The following TYR variants were observed in gnomAD, a reference collection of about 807,000 sequenced individuals.
TYR encodes the protein LB24-AB.
Under a neutral mutation model 51.5 loss-of-function variants are expected in TYR, and 58 were observed. The observed-to-expected ratio is 1.13, with a 90% CI of 0.91 to 1.40. The LOEUF (loss-of-function observed/expected upper bound fraction) is 1.40, where lower values mean the gene tolerates loss of function less well. TYR is among the 40% of genes most tolerant of loss of function. The probability of loss-of-function intolerance (pLI) is 0.00; values close to 1 mark genes in which losing one functional copy is unlikely to be tolerated. For synonymous variants in TYR, 263 were observed against 235.2 expected (o/e 1.12, Z -1.08); for missense variants, 732 against 647.4 (o/e 1.13, Z -1.42).
At chr11:89,285,555 CTAAA>C (rs1402525729) in intron 4 of TYR, among the ~76,000 whole-genome samples, 2 of 151,742 alleles carry the variant, frequency 1.3e-5, no homozygotes, top group Non-Finnish European at 2.9e-5. Flanking sequence ...GATTTGAGCT[CTAAA>C]TAATCTTCCT....
At chr11:89,200,140 A>G (rs1176304721) in intron 2 of TYR, 2 of 152,216 alleles carry the variant, frequency 1.3e-5, no homozygotes, top group African/African-American at 2.4e-5. Context: ...CAACGGTGCA[A>G]TCTTGGCTCA....
At chr11:89,196,847 T>G (rs1943526040) in intron 2 of TYR, among the ~76,000 whole-genome samples, 1 of 152,174 alleles carries the variant, frequency 6.6e-6, no homozygotes, top group Non-Finnish European at 1.5e-5. Flanking sequence ...AACCAAAATC[T>G]AATTCCATTC....
At chr11:89,180,609 T>A (rs1375555495) in intron 1 of TYR, among the ~76,000 whole-genome samples, 1 of 151,388 alleles carries the variant, frequency 6.6e-6, no homozygotes, top group African/African-American at 2.4e-5. Flanking sequence ...GATACAATTA[T>A]CAACTTCAAC....
chr11:89,248,384 A>G (rs1167735379), intron 3 of TYR, among the ~76,000 whole-genome samples: 1 of 152,164 alleles, frequency 6.6e-6, no homozygotes, highest in Non-Finnish European at 1.5e-5. Context: ...GAGATAGGCT[A>G]CCTATAGCTG....
intron 3 of TYR, among the ~76,000 whole-genome samples, chr11:89,235,968 A>C (rs1183699474): frequency 2.6e-5 from 4 of 152,152 alleles, no homozygotes; most frequent in Non-Finnish European, 4.4e-5. Context: ...TTTGTCAATT[A>C]AAAATAAAAT....
Position 89,270,917 on chromosome 11 carries a change from G to A in TYR, c.1185-13856G>A, listed in dbSNP as rs930326007. 7.2e-5 allele frequency among the ~76,000 whole-genome samples: 11 copies of A among 151,756 alleles called. No individual in the cohort carries two copies. The South Asian group carries it at 1.0e-3, about 14-fold the overall frequency. ...ATAAGGCAATATCATTGCTTTCGGC[G>A]AATTTCCCATATAGGCAAAAAATTA... is the stretch of plus-strand genomic sequence containing the variant. On this transcript the variant is annotated intron_variant, in intron 3 of 4. Transcript: ENST00000263321.
At position 89,289,526 on chromosome 11, in the gene TYR, C is replaced by A. The variant is rs575679228; in HGVS notation, c.1366+4572C>A. ...TGATGCCTTTCTATCTTCATCAGAACAACATTACTCTCGAAATGATTTGTT... is the reference window on the plus strand; with the variant it reads ...TGATGCCTTTCTATCTTCATCAGAAAAACATTACTCTCGAAATGATTTGTT... On this transcript the variant is annotated intron_variant, in intron 4 of 4. Transcript: ENST00000263321. 7.7e-4 allele frequency among the ~76,000 whole-genome samples: 117 copies of A among 151,980 alleles called. 1 individual carries two copies. The highest frequency in any genetic ancestry group is 3.4e-3 in the Middle Eastern group (1 of 294).
chr11:89,202,939 A>C (rs1943619003), intron 2 of TYR, among the ~76,000 whole-genome samples: 2 of 152,130 alleles, frequency 1.3e-5, no homozygotes. Flanking sequence ...TGTTTAGTAA[A>C]ATCTCTAGTG....
intron 3 of TYR, among the ~76,000 whole-genome samples, chr11:89,260,817 G>A (rs1463866332): frequency 2.0e-5 from 3 of 152,026 alleles, no homozygotes; most frequent in Admixed American, 1.3e-4. Flanking sequence ...ATATAACAGG[G>A]GTCCCCAACC....
intron 3 of TYR, among the ~76,000 whole-genome samples, chr11:89,258,052 G>C (rs1232533080): frequency 6.6e-6 from 1 of 152,012 alleles, no homozygotes; most frequent in African/African-American, 2.4e-5. Context: ...AGTCCCAAAA[G>C]ATTGTGCTAA....
chr11:89,187,546 G>A (rs1329973831), intron 1 of TYR, among the ~76,000 whole-genome samples: 2 of 152,114 alleles, frequency 1.3e-5, no homozygotes, highest in Non-Finnish European at 2.9e-5. Flanking sequence ...GTGCCTTTAT[G>A]TGGGAATGGG....
chr11:89,227,832 G>A lies in TYR; in HGVS notation c.1046G>A (p.Ser349Asn). The A allele has an allele frequency of 6.2e-7, 1 of 1,612,610 alleles. No individual in the cohort carries two copies. Among genetic ancestry groups the A allele is most frequent in the Middle Eastern group, 1.7e-4 (1 of 6,060 alleles). The part of the protein sequence containing the change: ...SFRNTLEGFA[S>N]PLTGIADASQ... Reference sequence around the variant, plus strand: ...TTTTTTTAATGAACAGGATTTGCTAGTCCACTTACTGGGATAGCGGATGCC... The same window carrying A: ...TTTTTTTAATGAACAGGATTTGCTAATCCACTTACTGGGATAGCGGATGCC... The change falls in exon 3 of 5, where the codon AGT (serine) becomes AAT (asparagine). Residue 349 changes from serine to asparagine, a missense_variant. By Grantham distance (46) the Ser-to-Asn change is conservative (BLOSUM62 1). Coordinates refer to ENST00000263321, the MANE Select transcript of TYR (RefSeq NM_000372.5).
At chr11:89,196,100 T>C (rs2135257314) in intron 2 of TYR, among the ~76,000 whole-genome samples, 1 of 152,260 alleles carries the variant, frequency 6.6e-6, no homozygotes, top group East Asian at 1.9e-4. Context: ...AATTAAATGA[T>C]GCAATACATG....
intron 3 of TYR, among the ~76,000 whole-genome samples, chr11:89,260,642 A>G (rs1231752579): frequency 6.6e-6 from 1 of 152,194 alleles, no homozygotes; most frequent in Non-Finnish European, 1.5e-5. Flanking sequence ...AGATAACTGC[A>G]TAGATAAATT....
rs774957650 is a variant in TYR, at chr11:89,295,177, T to G, written c.1401T>G (p.Tyr467Ter). 1.2e-6 allele frequency: 2 copies of G among 1,613,988 alleles called. No homozygotes were observed. Among genetic ancestry groups the G allele is most frequent in the Admixed American group, 3.3e-5 (2 of 60,014 alleles). ...PDSFQDYIKSYLEQASRIWSW... is the reference protein window; with the variant it reads ...PDSFQDYIKS The stretch of plus-strand genomic sequence containing the variant: ...CTTTTCAAGACTACATTAAGTCCTA[T>G]TTGGAACAAGCGAGTCGGATCTGGT... The change falls in exon 5 of 5, where the codon TAT becomes TAG. Residue 467 changes from tyrosine (Y) to a stop codon, truncating the protein, a stop_gained. Coordinates refer to ENST00000263321, the MANE Select transcript of TYR (RefSeq NM_000372.5). LOFTEE classifies it high-confidence loss of function.
chr11:89,279,083 C>T (rs1231666625), intron 3 of TYR, among the ~76,000 whole-genome samples: 5 of 151,414 alleles, frequency 3.3e-5, no homozygotes, highest in Admixed American at 6.6e-5. Flanking sequence ...AAAAATGTAC[C>T]CCAAAGTATG....
intron 4 of TYR, among the ~76,000 whole-genome samples, chr11:89,290,478 C>CT (rs1590906378): frequency 6.6e-6 from 1 of 151,888 alleles, no homozygotes; most frequent in Non-Finnish European, 1.5e-5. Context: ...TGTATCCTGC[C>CT]TTTTTTTGGA....
At chr11:89,224,983 C>A (rs1442195725) in intron 2 of TYR, among the ~76,000 whole-genome samples, 1 of 150,764 alleles carries the variant, frequency 6.6e-6, no homozygotes, top group African/African-American at 2.4e-5. Flanking sequence ...CAAATGAGTT[C>A]AAAAAGATAA....
intron 3 of TYR, among the ~76,000 whole-genome samples, chr11:89,267,105 C>T (rs1944534680): frequency 6.6e-6 from 1 of 151,828 alleles, no homozygotes; most frequent in Admixed American, 6.6e-5. Flanking sequence ...AGCAGTAAGG[C>T]TATTAATGTC....
Sources: gnomAD v4.1 joint callset for allele counts (sites outside exome capture counted in the v4.1 genomes callset) on GRCh38, gnomAD v4.1.1 for gene constraint, MANE v1.5 for transcripts, NCBI Gene and HGNC (gene_info 2026-07-23, HGNC 2026-07-21) for gene names.